The following SVIL variants were observed in gnomAD, a reference collection of about 807,000 sequenced individuals.
SVIL encodes supervillin, also known as archvillin.
In SVIL, 101 loss-of-function variants were observed where a neutral mutation model predicts 240.4. That is an observed-to-expected ratio of 0.42 (90% CI 0.36 to 0.50). The LOEUF (loss-of-function observed/expected upper bound fraction) is 0.50, where lower values mean the gene tolerates loss of function less well. Among genes scored for constraint, SVIL ranks in the 20% least tolerant of loss-of-function variants. SVIL has a pLI of 0.01. For synonymous variants in SVIL, 999 were observed against 1,100.0 expected (o/e 0.91, Z 1.82); for missense variants, 2,512 against 2,818.7 (o/e 0.89, Z 2.46).
chr10:29,655,808 A>G (rs1958981185), intron 3 of SVIL, among the ~76,000 whole-genome samples: 3 of 151,538 alleles, frequency 2.0e-5, no homozygotes, highest in African/African-American at 7.3e-5. Context: ...TGGGTTCTTC[A>G]TAGATGTCTT....
rs58469441 is a variant in SVIL at position 29,590,165 on chromosome 10, C to CAAAA, written c.-200-20857_-200-20854dup. Among the ~76,000 whole-genome samples, 41 of 79,646 alleles carry CAAAA rather than the reference C, an allele frequency of 5.1e-4. 1 individual carries two copies. Among genetic ancestry groups the CAAAA allele is most frequent in the East Asian group, 2.2e-3 (3 of 1,334 alleles). 52.3% of individuals were successfully genotyped at this position (79,646 alleles called of 152,430 possible). On this transcript the variant is annotated intron_variant, in intron 1 of 37. Transcript: ENST00000355867. ...TTGGCAACAGAGCAAGACTCCGTCT[C>CAAAA]AAAAAAAAAAAAAAAAAAAAAAAAA...
At chr10:29,605,353 A>T (rs1388932245) in intron 1 of SVIL, among the ~76,000 whole-genome samples, 2 of 152,198 alleles carry the variant, frequency 1.3e-5, no homozygotes, top group African/African-American at 4.8e-5. Flanking sequence ...TTACATTCCC[A>T]TCAGCCACGG....
intron 1 of SVIL, among the ~76,000 whole-genome samples, chr10:29,622,950 G>A (rs1777328): frequency 0.082 from 12,502 of 152,196 alleles, 709 homozygotes; most frequent in Admixed American, 0.13. Context: ...AATTCAAAAT[G>A]CAGAAATGAA....
chr10:29,535,854 A>G (rs2068282153), intron 7 of SVIL, 135 bp downstream of exon 7: 1 of 821,140 alleles, frequency 1.2e-6, no homozygotes, highest in Admixed American at 2.2e-5. Flanking sequence ...ATGATTAGAA[A>G]GTAACTTCCA....
intron 2 of SVIL, among the ~76,000 whole-genome samples, chr10:29,683,006 A>C (rs913083292): frequency 4.6e-5 from 7 of 152,242 alleles, no homozygotes; most frequent in Non-Finnish European, 1.0e-4. Context: ...TGAGTGGCCA[A>C]GGGCCCATGA....
At chr10:29,534,689 A>T (rs529050552) in intron 7 of SVIL, among the ~76,000 whole-genome samples, 1 of 152,238 alleles carries the variant, frequency 6.6e-6, no homozygotes, top group Non-Finnish European at 1.5e-5. Flanking sequence ...ATCCTGGCTC[A>T]GTCAGGTTGA....
chr10:29,583,266 T>C (rs1956027419), intron 1 of SVIL, among the ~76,000 whole-genome samples: 1 of 152,140 alleles, frequency 6.6e-6, no homozygotes, highest in Admixed American at 6.5e-5. Context: ...CTCATCAACC[T>C]GTGATCTCCA....
intron 1 of SVIL, among the ~76,000 whole-genome samples, chr10:29,630,492 T>A (rs1028738942): frequency 3.3e-5 from 5 of 152,006 alleles, no homozygotes; most frequent in African/African-American, 1.2e-4. Flanking sequence ...GCCCCTGAGA[T>A]CAACAGTGCA....
At chr10:29,679,648 C>T (rs1014227081) in intron 2 of SVIL, among the ~76,000 whole-genome samples, 7 of 150,816 alleles carry the variant, frequency 4.6e-5, no homozygotes, top group Non-Finnish European at 1.0e-4. Flanking sequence ...CTCGTCTGCC[C>T]AAGCTCTAGA....
In SVIL at chr10:29,523,935, A is replaced by G. The variant is rs1353675185; in HGVS notation, c.2679T>C (p.Asp893=). The G allele has an allele frequency of 1.2e-6, 2 of 1,614,062 alleles. No homozygotes were observed. Among genetic ancestry groups the G allele is most frequent in the African/African-American group, 2.7e-5 (2 of 74,928 alleles). Residue 893 remains aspartate (D), a synonymous_variant, in exon 15 of 38, where the codon GAT becomes GAC. Transcript: ENST00000355867. ...ASTVAPMYAG[D]LRTKPPLDHN... is the part of the protein sequence containing the mutation. ...GGTCAAGAGGTGGCTTTGTGCGAAG[A>G]TCTCCGGCATACATTGGAGCAACCG...
At chr10:29,679,379 A>G (rs1697466918) in intron 2 of SVIL, among the ~76,000 whole-genome samples, 1 of 152,192 alleles carries the variant, frequency 6.6e-6, no homozygotes, top group Non-Finnish European at 1.5e-5. Flanking sequence ...TGAAGCCACA[A>G]TTTAAGAAAT....
chr10:29,657,084 A>C (rs1261329305), intron 3 of SVIL, among the ~76,000 whole-genome samples: 3 of 152,208 alleles, frequency 2.0e-5, no homozygotes, highest in Non-Finnish European at 1.5e-5. Context: ...TAAGTGTCAA[A>C]CCCAGGATTA....
At chr10:29,487,964 G>C (rs1947577539) in intron 23 of SVIL, among the ~76,000 whole-genome samples, 1 of 152,142 alleles carries the variant, frequency 6.6e-6, no homozygotes, top group Non-Finnish European at 1.5e-5. Context: ...CCTCCTGGAG[G>C]GAGAGGATAT....
At chr10:29,480,435 G>A (rs2368407) in intron 29 of SVIL, 102 bp downstream of exon 29, 3 of 1,460,676 alleles carry the variant, frequency 2.1e-6, no homozygotes, top group Non-Finnish European at 2.8e-6. Context: ...CCACTGCACG[G>A]ACGCAGCAGA....
intron 1 of SVIL, among the ~76,000 whole-genome samples, chr10:29,617,541 A>G (rs1036588116): frequency 6.6e-6 from 1 of 151,586 alleles, no homozygotes; most frequent in Non-Finnish European, 1.5e-5. Context: ...AGATCGTGCC[A>G]CTGCACTCCA....
intron 7 of SVIL, among the ~76,000 whole-genome samples, chr10:29,535,173 T>C (rs1249437843): frequency 1.3e-5 from 2 of 152,124 alleles, no homozygotes; most frequent in Non-Finnish European, 2.9e-5. Context: ...TAAAGGACAA[T>C]CCACACAGAC....
At chr10:29,669,975 C>G (rs534700927) in intron 2 of SVIL, among the ~76,000 whole-genome samples, 58 of 152,028 alleles carry the variant, frequency 3.8e-4, no homozygotes, top group African/African-American at 1.4e-3. Context: ...ATTAGCTGGG[C>G]ATGGTGGTGT....
intron 1 of SVIL, among the ~76,000 whole-genome samples, chr10:29,722,025 G>A (rs1210642400): frequency 6.6e-6 from 1 of 152,058 alleles, no homozygotes; most frequent in East Asian, 1.9e-4. Context: ...ATGACCTTTG[G>A]TCAGGAGTTC....
At chr10:29,710,462 T>G (rs1245485173) in intron 1 of SVIL, among the ~76,000 whole-genome samples, 1 of 152,236 alleles carries the variant, frequency 6.6e-6, no homozygotes, top group Non-Finnish European at 1.5e-5. Context: ...GTGTGATTTT[T>G]GTGTGAAGAG....
Sources: allele counts gnomAD v4.1 joint callset (sites outside exome capture counted in the v4.1 genomes callset), GRCh38; gene constraint gnomAD v4.1.1; transcripts MANE v1.5; gene names NCBI Gene and HGNC (gene_info 2026-07-23, HGNC 2026-07-21).